Variants in RALYL observed in about 807,000 individuals in gnomAD.
RALYL encodes the protein RNA-binding Raly-like protein.
In RALYL, 29 loss-of-function variants were observed where a neutral mutation model predicts 35.1. That is an observed-to-expected ratio of 0.83 (90% confidence interval 0.61 to 1.13). The LOEUF (loss-of-function observed/expected upper bound fraction) is 1.13, where lower values mean the gene tolerates loss of function less well. Among genes scored for constraint, RALYL ranks in the 50% most tolerant of loss-of-function variants. The pLI is 0.00. For missense variants in RALYL, 359 were observed against 360.4 expected, an observed-to-expected ratio of 1.00 and a Z score of 0.03; for synonymous variants, 120 against 127.6, an observed-to-expected ratio of 0.94 and a Z score of 0.40.
intron 1 of RALYL, among the ~76,000 whole-genome samples, chr8:84,350,665 G>A (rs778652966): frequency 1.3e-5 from 2 of 150,264 alleles, no homozygotes; most frequent in Non-Finnish European, 3.0e-5. Flanking sequence ...ACAGTGACAA[G>A]AGGCCCCTTC....
chr8:84,749,191 AAAAT>A (rs1185382432), intron 2 of RALYL, among the ~76,000 whole-genome samples: 1 of 152,182 alleles, frequency 6.6e-6, no homozygotes, highest in Non-Finnish European at 1.5e-5. Flanking sequence ...TTACTGTAAA[AAAAT>A]AAGTATTATT....
chr8:84,363,339 G>C (rs1181395167), intron 1 of RALYL, among the ~76,000 whole-genome samples: 1 of 152,192 alleles, frequency 6.6e-6, no homozygotes, highest in Non-Finnish European at 1.5e-5. Context: ...AAACAGAAGG[G>C]AGATGGGGAA....
intron 1 of RALYL, among the ~76,000 whole-genome samples, chr8:84,253,830 C>A (rs753251375): frequency 2.0e-5 from 3 of 152,084 alleles, no homozygotes; most frequent in Non-Finnish European, 4.4e-5. Flanking sequence ...CAGAAAAGCA[C>A]TCTCACAGTT....
chr8:84,775,378 G>A (rs944549147), intron 3 of RALYL, among the ~76,000 whole-genome samples: 1 of 152,204 alleles, frequency 6.6e-6, no homozygotes, highest in African/African-American at 2.4e-5. Context: ...TCAGGAACCT[G>A]AGATGCAGTT....
At chr8:84,531,555 A>AT (rs2059278886) in intron 2 of RALYL, among the ~76,000 whole-genome samples, 1 of 151,732 alleles carries the variant, frequency 6.6e-6, no homozygotes, top group Non-Finnish European at 1.5e-5. Context: ...TGATATGGGA[A>AT]TTTTCTGACA....
In RALYL at chr8:84,549,682, C is replaced by T. The variant is rs112265481; in HGVS notation, c.256+20105C>T. The stretch of plus-strand genomic sequence containing the variant: ...AGATATGCATGAGAGTATGGCAGGC[C>T]GGGGAGCCTGAGTCCTTAACTGCAA... On this transcript the variant is annotated intron_variant, in intron 2 of 8. Coordinates refer to ENST00000521268, the MANE Select transcript of RALYL (RefSeq NM_173848.7). Among the ~76,000 whole-genome samples the T allele has an allele frequency of 8.3e-3, 1,267 of 152,224 alleles. 12 individuals are homozygous for T. The highest frequency in any genetic ancestry group is 0.013 in the Non-Finnish European group (880 of 68,016).
At position 84,862,422 on chromosome 8, in the gene RALYL, A is replaced by T. The variant is rs775932365; in HGVS notation, c.540A>T (p.Arg180Ser). 3.1e-6 allele frequency: 5 copies of T among 1,605,906 alleles called. No individual in the cohort carries two copies. The highest frequency in any genetic ancestry group is 1.7e-4 in the Middle Eastern group (1 of 6,032). ...TCTTTTCCATGAAAGGTGGATCGAG[A>T]TCTACTGCCAGTGGGTCAACAGGTT... ...KGVFSMKGGSRSTASGSTGSK... is the reference protein window; with the variant it reads ...KGVFSMKGGSSSTASGSTGSK... The change falls in exon 6 of 9, where the codon AGA (arginine) becomes AGT (serine). Residue 180 changes from arginine (R) to serine (S), a missense_variant. By Grantham distance (110) the Arg-to-Ser change is moderately radical (BLOSUM62 -1). Transcript: ENST00000521268.
chr8:84,582,419 A>G (rs138947144), intron 2 of RALYL, among the ~76,000 whole-genome samples: 6 of 152,212 alleles, frequency 3.9e-5, no homozygotes, highest in African/African-American at 1.4e-4. Flanking sequence ...CCATATTGGA[A>G]ACGCTCTATC....
intron 1 of RALYL, among the ~76,000 whole-genome samples, chr8:84,411,281 T>G (rs947965899): frequency 3.3e-5 from 5 of 151,862 alleles, no homozygotes; most frequent in Non-Finnish European, 7.4e-5. Context: ...GCTGATGGGG[T>G]CCACTACCCA....
intron 1 of RALYL, among the ~76,000 whole-genome samples, chr8:84,522,724 C>T (rs4740020): frequency 0.36 from 54,661 of 151,956 alleles, 10,003 homozygotes; most frequent in South Asian, 0.51. Flanking sequence ...TGAGTAATAG[C>T]TCTAGACTTC....
At chr8:84,816,647 G>C (rs569709642) in intron 4 of RALYL, among the ~76,000 whole-genome samples, 17 of 152,126 alleles carry the variant, frequency 1.1e-4, no homozygotes, top group African/African-American at 3.9e-4. Context: ...GCGGGGGTAT[G>C]GTTAATGGAT....
At chr8:84,522,496 G>A (rs566691213) in intron 1 of RALYL, among the ~76,000 whole-genome samples, 14 of 152,066 alleles carry the variant, frequency 9.2e-5, no homozygotes, top group African/African-American at 3.1e-4. Context: ...TGATCCGCCC[G>A]CCTCGGCCTC....
At chr8:84,720,709 A>G (rs951634058) in intron 2 of RALYL, among the ~76,000 whole-genome samples, 4 of 152,158 alleles carry the variant, frequency 2.6e-5, no homozygotes, top group African/African-American at 9.6e-5. Context: ...GAAAATCTAC[A>G]GAATGATGGA....
chr8:84,477,274 G>C (rs191408969), intron 1 of RALYL, among the ~76,000 whole-genome samples: 1 of 151,872 alleles, frequency 6.6e-6, no homozygotes, highest in Admixed American at 6.6e-5. Context: ...AAATTGGATC[G>C]GGAGTTAGGG....
chr8:84,355,768 A>G (rs1223080431), intron 1 of RALYL, among the ~76,000 whole-genome samples: 1 of 150,262 alleles, frequency 6.7e-6, no homozygotes, highest in Non-Finnish European at 1.5e-5. Flanking sequence ...AGTCAAATCA[A>G]GAGCACTTAG....
chr8:84,298,932 T>C (rs1047890609), intron 1 of RALYL, among the ~76,000 whole-genome samples: 1 of 152,114 alleles, frequency 6.6e-6, no homozygotes, highest in African/African-American at 2.4e-5. Flanking sequence ...TTTGCCCAAG[T>C]TGTGTAACAG....
chr8:84,615,025 T>C (rs937771665), intron 2 of RALYL, among the ~76,000 whole-genome samples: 2 of 151,688 alleles, frequency 1.3e-5, no homozygotes, highest in Non-Finnish European at 2.9e-5. Flanking sequence ...TATTTCCTTA[T>C]GTGCTACTAT....
intron 6 of RALYL, among the ~76,000 whole-genome samples, chr8:84,871,446 A>C (rs1441039430): frequency 6.6e-6 from 1 of 152,204 alleles, no homozygotes; most frequent in Non-Finnish European, 1.5e-5. Flanking sequence ...CTGCATTGAA[A>C]TCTAATGTTA....
intron 4 of RALYL, among the ~76,000 whole-genome samples, chr8:84,844,416 G>A (rs1184382197): frequency 6.6e-6 from 1 of 151,946 alleles, no homozygotes; most frequent in Non-Finnish European, 1.5e-5. Flanking sequence ...AAACCACAAT[G>A]AGATACCATC....
Sources: gnomAD v4.1 joint callset for allele counts (sites outside exome capture counted in the v4.1 genomes callset) on GRCh38, gnomAD v4.1.1 for gene constraint, MANE v1.5 for transcripts, NCBI Gene and HGNC (gene_info 2026-07-23, HGNC 2026-07-21) for gene names.